The following KCND3 variants were observed in gnomAD, a reference collection of about 807,000 sequenced individuals.
The protein encoded by KCND3 is A-type voltage-gated potassium channel KCND3.
Under a neutral mutation model 51.1 loss-of-function variants are expected in KCND3, and 9 were observed. The observed-to-expected ratio is 0.18, with a 90% confidence interval of 0.11 to 0.31. KCND3 has a LOEUF of 0.31. Ranked by LOEUF, KCND3 falls within the 10% of genes least tolerant of loss-of-function variation. The pLI is 1.00. For synonymous variants in KCND3, 349 were observed against 368.0 expected, an observed-to-expected ratio of 0.95 and a Z score of 0.59; for missense variants, 526 against 903.8, an observed-to-expected ratio of 0.58 and a Z score of 5.36.
intron 5 of KCND3, among the ~76,000 whole-genome samples, chr1:111,779,322 A>G (rs1664270877): frequency 6.6e-6 from 1 of 151,830 alleles, no homozygotes; most frequent in East Asian, 1.9e-4. Context: ...CTCCCCACCA[A>G]AAAAAAAGGA....
chr1:111,828,611 C>G (rs1381015220), intron 2 of KCND3, among the ~76,000 whole-genome samples: 1 of 152,128 alleles, frequency 6.6e-6, no homozygotes, highest in Non-Finnish European at 1.5e-5. Flanking sequence ...CTGAGTAGGA[C>G]CTATCTTCAC....
At chr1:111,825,547 G>C (rs950595395) in intron 2 of KCND3, among the ~76,000 whole-genome samples, 5 of 152,122 alleles carry the variant, frequency 3.3e-5, no homozygotes, top group African/African-American at 9.7e-5. Context: ...TACATCTCCA[G>C]TATTACAATA....
intron 2 of KCND3, among the ~76,000 whole-genome samples, chr1:111,945,202 G>T (rs889570451): frequency 6.6e-6 from 1 of 152,196 alleles, no homozygotes; most frequent in African/African-American, 2.4e-5. Context: ...ATGATTTGTT[G>T]AGCAGAATGC....
At chr1:111,876,405 G>A (rs1669051861) in intron 2 of KCND3, among the ~76,000 whole-genome samples, 2 of 152,222 alleles carry the variant, frequency 1.3e-5, no homozygotes, top group South Asian at 4.1e-4. Context: ...CAAGGTGGCT[G>A]TTCTGGCCCA....
At chr1:111,794,968 T>A (rs967179410) in intron 2 of KCND3, among the ~76,000 whole-genome samples, 4 of 152,192 alleles carry the variant, frequency 2.6e-5, no homozygotes, top group Non-Finnish European at 5.9e-5. Context: ...AGCTCCTAGT[T>A]ATCTGGCCCA....
intron 2 of KCND3, among the ~76,000 whole-genome samples, chr1:111,876,321 A>T (rs1669047376): frequency 6.6e-6 from 1 of 151,994 alleles, no homozygotes; most frequent in Admixed American, 6.6e-5. Flanking sequence ...GATACAAGAC[A>T]AACCCTGTGA....
chr1:111,780,199 G>C lies in KCND3; in HGVS notation c.1461+26C>G. 5 of 1,562,038 alleles carry C rather than the reference G, an allele frequency of 3.2e-6. No homozygotes were observed. Among genetic ancestry groups the C allele is most frequent in the Non-Finnish European group, 4.3e-6 (5 of 1,150,972 alleles). On this transcript the variant is annotated intron_variant, in intron 5 of 7. Transcript: ENST00000302127. The surrounding 1 kb of genome is among the most constrained non-coding windows in gnomAD (Gnocchi z 4.2). ...AAAGGGTCAGGGTCAGCGATGAAAA[G>C]GAGGTGGCAAAGGGCTGGGACTCAC...
At chr1:111,962,075 A>G (rs1009432529) in intron 2 of KCND3, among the ~76,000 whole-genome samples, 2 of 152,186 alleles carry the variant, frequency 1.3e-5, no homozygotes, top group African/African-American at 4.8e-5. Flanking sequence ...AGCTCATCCA[A>G]GCCCCAGTGA....
At chr1:111,840,242 C>T (rs571922896) in intron 2 of KCND3, among the ~76,000 whole-genome samples, 1 of 152,282 alleles carries the variant, frequency 6.6e-6, no homozygotes, top group Non-Finnish European at 1.5e-5. Context: ...TCGGTTCCAA[C>T]ATATGAACTT....
intron 2 of KCND3, among the ~76,000 whole-genome samples, chr1:111,816,613 C>T (rs1213512565): frequency 6.6e-6 from 1 of 152,206 alleles, no homozygotes; most frequent in Non-Finnish European, 1.5e-5. Context: ...TGGGTGGGCG[C>T]TTCTACTGTG....
chr1:111,842,257 C>T (rs778008672), intron 2 of KCND3, among the ~76,000 whole-genome samples: 5 of 152,164 alleles, frequency 3.3e-5, no homozygotes, highest in African/African-American at 7.2e-5. Flanking sequence ...TCCACATAGG[C>T]CCCAGCTGTC....
At chr1:111,878,673 A>T (rs1346885175) in intron 2 of KCND3, among the ~76,000 whole-genome samples, 3 of 152,258 alleles carry the variant, frequency 2.0e-5, no homozygotes, top group African/African-American at 7.2e-5. Flanking sequence ...AGCTAAGAGG[A>T]TGCTGTAAGC....
intron 2 of KCND3, among the ~76,000 whole-genome samples, chr1:111,917,486 G>A (rs1188757974): frequency 6.6e-6 from 1 of 152,166 alleles, no homozygotes; most frequent in Non-Finnish European, 1.5e-5. Flanking sequence ...GAACGGAACT[G>A]AGATTATATA....
intron 2 of KCND3, among the ~76,000 whole-genome samples, chr1:111,904,135 C>T (rs1356912244): frequency 6.7e-6 from 1 of 150,304 alleles, no homozygotes; most frequent in Admixed American, 6.6e-5. Flanking sequence ...TTTCCAGCAA[C>T]CTGAGAGTTC....
At chr1:111,884,032 T>C (rs139966205) in intron 2 of KCND3, among the ~76,000 whole-genome samples, 1 of 152,356 alleles carries the variant, frequency 6.6e-6, no homozygotes, top group East Asian at 1.9e-4. Flanking sequence ...TTACACAGGC[T>C]GCCTCTTGTA....
At chr1:111,950,883 A>G (rs1352313122) in intron 2 of KCND3, among the ~76,000 whole-genome samples, 2 of 152,194 alleles carry the variant, frequency 1.3e-5, no homozygotes, top group South Asian at 2.1e-4. Context: ...TAGTAAAGAA[A>G]TAGTGGGCTG....
intron 2 of KCND3, among the ~76,000 whole-genome samples, chr1:111,972,039 C>T (rs528651953): frequency 6.6e-6 from 1 of 152,328 alleles, no homozygotes; most frequent in East Asian, 1.9e-4. Context: ...GATCAATACA[C>T]ACTGGACTAC....
chr1:111,862,315 A>G (rs941473455), intron 2 of KCND3, among the ~76,000 whole-genome samples: 1 of 152,260 alleles, frequency 6.6e-6, no homozygotes, highest in Admixed American at 6.5e-5. Context: ...AAGGGCAACA[A>G]CAGACAATTC....
intron 2 of KCND3, among the ~76,000 whole-genome samples, chr1:111,837,701 C>T (rs376557791): frequency 4.6e-5 from 7 of 152,100 alleles, no homozygotes; most frequent in Non-Finnish European, 7.4e-5. Context: ...TGCCCAGCAC[C>T]GTGGATTGAG....
Sources: allele counts gnomAD v4.1 joint callset (sites outside exome capture counted in the v4.1 genomes callset), GRCh38; gene constraint gnomAD v4.1.1; non-coding constraint Gnocchi (gnomAD v3.1); transcripts MANE v1.5; gene names NCBI Gene and HGNC (gene_info 2026-07-23, HGNC 2026-07-21).